The following MYCBP2 variants were observed in gnomAD, a reference collection of about 807,000 sequenced individuals.
MYCBP2 encodes E3 ubiquitin-protein ligase MYCBP2.
MYCBP2 carries 120 observed loss-of-function variants against 525.3 expected under a neutral mutation model. The ratio of observed to expected loss-of-function variants is 0.23; its 90% CI spans 0.20 to 0.27. MYCBP2 has a LOEUF of 0.27. MYCBP2 is among the 10% of genes least tolerant of loss of function. MYCBP2 has a pLI of 1.00. For synonymous variants in MYCBP2, 1,894 were observed against 1,955.8 expected (o/e 0.97, Z 0.83); for missense variants, 4,149 against 5,657.1 (o/e 0.73, Z 8.55).
At position 77,055,489 on chromosome 13, in the gene MYCBP2, C is replaced by A. The variant is rs1594071299; in HGVS notation, c.13647+69G>T. 7 of 1,278,076 alleles carry A rather than the reference C, an allele frequency of 5.5e-6. No homozygotes were observed. In the East Asian group the frequency reaches 1.6e-4, roughly 30 times the overall value. The allele number at this position is 1,278,076 out of a possible 1,614,324, so 79.2% of individuals were successfully genotyped here. A position where few individuals can be genotyped will look rare whatever the true frequency, so the allele number is the denominator to read the frequency against. ...GATGGAATAATTAGATATCACTGTACAATTTGAATTCTTAATCATATAGGT... is the reference window on the plus strand; with the variant it reads ...GATGGAATAATTAGATATCACTGTAAAATTTGAATTCTTAATCATATAGGT... On this transcript the variant is annotated intron_variant, in intron 80 of 82. Coordinates refer to ENST00000544440, the MANE Select transcript of MYCBP2 (RefSeq NM_015057.5).
chr13:77,224,406 A>T, intron 20 of MYCBP2, 45 bp downstream of exon 20: 1 of 1,183,064 alleles, frequency 8.5e-7, no homozygotes, highest in Non-Finnish European at 1.2e-6. Flanking sequence ...AAGAAAACAG[A>T]AGAAAAAATA....
intron 3 of MYCBP2, among the ~76,000 whole-genome samples, chr13:77,283,774 G>A (rs1245325997): frequency 6.6e-6 from 1 of 152,132 alleles, no homozygotes; most frequent in Non-Finnish European, 1.5e-5. Flanking sequence ...GCAAACACCT[G>A]TAGTCCCAGC....
chr13:77,163,944 C>A (rs897690079), intron 43 of MYCBP2, among the ~76,000 whole-genome samples: 5 of 152,168 alleles, frequency 3.3e-5, no homozygotes, highest in African/African-American at 1.2e-4. Context: ...CTGTTCTGTG[C>A]ATCTTTGAAA....
Position 77,176,491 on chromosome 13 carries a change from A to G in MYCBP2, c.5472+6T>C, listed in dbSNP as rs1265265935. 19 of 1,573,450 alleles carry G rather than the reference A, an allele frequency of 1.2e-5. No individual in the cohort carries two copies. The highest frequency in any genetic ancestry group is 1.6e-5 in the Non-Finnish European group (19 of 1,155,982). ...ATTCACAATAGAAACATTCAGTTGA[A>G]ACTACCTTTAAAGGAACCACTTTGT... is the stretch of plus-strand genomic sequence containing the variant. On this transcript the variant is annotated splice_donor_region_variant and intron_variant, in intron 36 of 82. Transcript: ENST00000544440.
At position 77,169,573 on chromosome 13, in the gene MYCBP2, T is replaced by C. The variant is rs770033612; in HGVS notation, c.5895+41A>G. The C allele has an allele frequency of 1.0e-5, 16 of 1,547,934 alleles. No individual in the cohort carries two copies. The South Asian group carries it at 1.7e-4, about 17-fold the overall frequency. Reference sequence around the variant, plus strand: ...ACAAAGTCTTTTTTTAAAAAAGATATTTAAAAAAAACATTCAAAGTTATAG... The same window carrying C: ...ACAAAGTCTTTTTTTAAAAAAGATACTTAAAAAAAACATTCAAAGTTATAG... On this transcript the variant is annotated intron_variant, in intron 39 of 82. Coordinates refer to ENST00000544440, the MANE Select transcript of MYCBP2 (RefSeq NM_015057.5).
In MYCBP2 at chr13:77,191,705, T is replaced by C; in HGVS notation, c.4044A>G (p.Gly1348=). The C allele has an allele frequency of 6.2e-7, 1 of 1,614,078 alleles. No homozygotes were observed. The highest frequency in any genetic ancestry group is 8.5e-7 in the Non-Finnish European group (1 of 1,179,980). Residue 1348 remains glycine, a synonymous_variant, in exon 28 of 83, where the codon GGA becomes GGG. Coordinates refer to ENST00000544440, the MANE Select transcript of MYCBP2 (RefSeq NM_015057.5). The stretch of plus-strand genomic sequence containing the variant: ...CATCATCTGTGGTAATAGATGCCTG[T>C]CCATGAGATCCACAGTCACTGCTGG... ...SGPSSDCGSH[G]QASITTDDGV... is the part of the protein sequence containing the mutation.
intron 5 of MYCBP2, among the ~76,000 whole-genome samples, chr13:77,271,142 A>G (rs2074831341): frequency 6.6e-6 from 1 of 152,154 alleles, no homozygotes; most frequent in Non-Finnish European, 1.5e-5. Context: ...ATATTCATAC[A>G]CATACACATT....
intron 55 of MYCBP2, among the ~76,000 whole-genome samples, chr13:77,112,266 G>A (rs1206831961): frequency 6.8e-6 from 1 of 147,306 alleles, no homozygotes; most frequent in African/African-American, 2.5e-5. Flanking sequence ...CTTTGCACTG[G>A]ACTGTATCCC....
At chr13:77,166,662 C>T in intron 40 of MYCBP2, 108 bp from the exon 41 acceptor site, 1 of 632,356 alleles carries the variant, frequency 1.6e-6, no homozygotes. Context: ...AATGACACAA[C>T]AGGATAAAGT....
At chr13:77,059,061 T>A (rs77007972) in intron 77 of MYCBP2, among the ~76,000 whole-genome samples, 1 of 125,392 alleles carries the variant, frequency 8.0e-6, no homozygotes, top group Non-Finnish European at 1.6e-5. Flanking sequence ...AAAATGCAGA[T>A]TTTTTTTTTT....
In MYCBP2 at chr13:77,121,413, G is replaced by A. The variant is rs770772621; in HGVS notation, c.8100C>T (p.Cys2700=). The change falls in exon 55 of 83, where the codon TGC becomes TGT. Residue 2700 remains cysteine (C), a synonymous_variant. Transcript: ENST00000544440. ...SVQAFNKGAS[C]SAQGFDYGLG... Reference sequence around the variant, plus strand: ...GTCCATAATCAAATCCTTGGGCACTGCAACTTGCCCCTTTATTAAAAGCTT... The same window carrying A: ...GTCCATAATCAAATCCTTGGGCACTACAACTTGCCCCTTTATTAAAAGCTT... 81 of 1,597,412 alleles carry A rather than the reference G, an allele frequency of 5.1e-5. No homozygotes were observed. The highest frequency in any genetic ancestry group is 2.1e-5 in the Non-Finnish European group (24 of 1,168,688).
intron 1 of MYCBP2, among the ~76,000 whole-genome samples, chr13:77,324,598 T>C (rs1020832196): frequency 6.6e-6 from 1 of 152,264 alleles, no homozygotes; most frequent in Non-Finnish European, 1.5e-5. Context: ...CATAACATAA[T>C]GCTGATTTCC....
At position 77,262,108 on chromosome 13, in the gene MYCBP2, G is replaced by A. The variant is rs1482506414; in HGVS notation, c.1592C>T (p.Ser531Leu). 6.2e-7 allele frequency: 1 copy of A among 1,610,870 alleles called. No individual in the cohort carries two copies. The highest frequency in any genetic ancestry group is 8.5e-7 in the Non-Finnish European group (1 of 1,178,094). The change falls in exon 11 of 83, where the codon TCA becomes TTA. Residue 531 changes from serine to leucine, a missense_variant. By Grantham distance (145) the Ser-to-Leu change is moderately radical (BLOSUM62 -2). Transcript: ENST00000544440. ...CTCTCGTCCTGCACCAAGAATTGCTGACTCCTCATCAAATCCTGTACCTGA... is the reference window on the plus strand; with the variant it reads ...CTCTCGTCCTGCACCAAGAATTGCTAACTCCTCATCAAATCCTGTACCTGA... ...HIISTGFDEE[S>L]AILGAGREFA...
intron 74 of MYCBP2, among the ~76,000 whole-genome samples, chr13:77,062,301 C>T (rs1466216359): frequency 6.6e-6 from 1 of 152,114 alleles, no homozygotes; most frequent in Non-Finnish European, 1.5e-5. Context: ...AATATCTAGT[C>T]ACTAAATCAG....
Position 77,238,886 on chromosome 13 carries a change from T to C in MYCBP2, c.2629+4173A>G, listed in dbSNP as rs563192898. Among the ~76,000 whole-genome samples, 5 of 152,288 alleles carry C rather than the reference T, an allele frequency of 3.3e-5. No homozygotes were observed. The South Asian group carries it at 1.0e-3, about 32-fold the overall frequency. On this transcript the variant is annotated intron_variant, in intron 17 of 82. Transcript: ENST00000544440. ...TGGCTCACACCTGTACTCCCAGCAC[T>C]TTGGGAGGCTGATCACCTGAGGTCA...
chr13:77,195,299 T>C (rs1193243758), intron 26 of MYCBP2, among the ~76,000 whole-genome samples: 2 of 152,116 alleles, frequency 1.3e-5, no homozygotes, highest in Non-Finnish European at 2.9e-5. Flanking sequence ...ATCTCTTAGA[T>C]AAAAAGTCTG....
At chr13:77,255,324 T>A (rs980794014) in intron 14 of MYCBP2, among the ~76,000 whole-genome samples, 7 of 151,960 alleles carry the variant, frequency 4.6e-5, no homozygotes, top group African/African-American at 1.4e-4. Context: ...ACTTTACTCA[T>A]CTGCTTTCTA....
Position 77,045,381 on chromosome 13 carries a change from A to G in MYCBP2, c.14034T>C (p.Phe4678=), listed in dbSNP as rs868062628. ...GCGVCRNAHT[F] Reference sequence around the variant, plus strand: ...GTAGACAAAGGATCTGCGTGTTCTAAAAAGTGTGGGCATTTCTGCACACTC... The same window carrying G: ...GTAGACAAAGGATCTGCGTGTTCTAGAAAGTGTGGGCATTTCTGCACACTC... Residue 4678 remains phenylalanine (F), a synonymous_variant, in exon 83 of 83, where the codon TTT becomes TTC. Transcript: ENST00000544440. The G allele has an allele frequency of 1.2e-6, 2 of 1,611,812 alleles. No individual in the cohort carries two copies. Among genetic ancestry groups the G allele is most frequent in the Non-Finnish European group, 1.7e-6 (2 of 1,178,604 alleles).
intron 38 of MYCBP2, 34 bp from the exon 39 acceptor site, chr13:77,169,748 G>T: frequency 6.5e-7 from 1 of 1,532,586 alleles, no homozygotes. Context: ...TAAAACTATA[G>T]TCAGAAGGTA....
Sources: gnomAD v4.1 joint callset for allele counts (sites outside exome capture counted in the v4.1 genomes callset) on GRCh38, gnomAD v4.1.1 for gene constraint, MANE v1.5 for transcripts, NCBI Gene and HGNC (gene_info 2026-07-23, HGNC 2026-07-21) for gene names.